DMD: variants seen among roughly 807,000 people sequenced by gnomAD.
DMD encodes the protein dystrophin.
Under a neutral mutation model 330.1 loss-of-function variants are expected in DMD, and 63 were observed. The ratio of observed to expected loss-of-function variants is 0.19; its 90% CI spans 0.16 to 0.24. DMD has a LOEUF of 0.24. Ranked by LOEUF, DMD falls within the 10% of genes least tolerant of loss-of-function variation. DMD has a pLI of 1.00. For missense variants in DMD, 3,344 were observed against 2,684.1 expected, an observed-to-expected ratio of 1.25 and a Z score of -5.43; for synonymous variants, 1,223 against 959.8, an observed-to-expected ratio of 1.27 and a Z score of -5.07.
intron 32 of DMD, among the ~76,000 whole-genome samples, chrX:32,388,762 C>T (rs762025416): frequency 3.1e-4 from 34 of 110,382 alleles, no homozygotes; most frequent in African/African-American, 1.1e-3. Flanking sequence ...ACTCTAATGG[C>T]CGATAGTACA....
At chrX:31,810,359 G>A (rs899630120) in intron 50 of DMD, among the ~76,000 whole-genome samples, 8 of 111,693 alleles carry the variant, frequency 7.2e-5, no homozygotes, top group Non-Finnish European at 1.1e-4. Context: ...AAAGAAAAGT[G>A]GGAAGGAGAT....
At chrX:32,858,888 G>A (rs891492284) in intron 2 of DMD, among the ~76,000 whole-genome samples, 1 of 111,030 alleles carries the variant, frequency 9.0e-6, no homozygotes, top group African/African-American at 3.3e-5. Flanking sequence ...AGTAACCCAA[G>A]TTTCAGAAGC....
At chrX:32,042,499 C>G (rs761670667) in intron 44 of DMD, among the ~76,000 whole-genome samples, 1 of 111,133 alleles carries the variant, frequency 9.0e-6, no homozygotes, top group Non-Finnish European at 1.9e-5. Context: ...AAACCACCCT[C>G]AAGATCCAAT....
intron 53 of DMD, among the ~76,000 whole-genome samples, chrX:31,659,639 GAAAAAAAAAAAAAAAAA>G (rs869195395): frequency 2.5e-5 from 1 of 39,982 alleles, no homozygotes; most frequent in Admixed American, 2.6e-4. Flanking sequence ...CTCCATCTCG[GAAAAAAAAAAAAAAAAA>G]AAAAAAAAAA....
intron 41 of DMD, among the ~76,000 whole-genome samples, chrX:32,318,935 C>T (rs758521478): frequency 6.3e-5 from 7 of 110,889 alleles, no homozygotes; most frequent in Non-Finnish European, 1.3e-4. Context: ...TCTGGACAGA[C>T]CTGCTCATTG....
intron 50 of DMD, among the ~76,000 whole-genome samples, chrX:31,819,562 A>G (rs1353723892): frequency 3.5e-5 from 4 of 113,048 alleles, no homozygotes; most frequent in African/African-American, 9.6e-5. Flanking sequence ...GGCAGCAGCC[A>G]GCCCCTGGCC....
At chrX:32,912,799 G>C (rs1311118910) in intron 2 of DMD, among the ~76,000 whole-genome samples, 1 of 111,307 alleles carries the variant, frequency 9.0e-6, no homozygotes, top group Non-Finnish European at 1.9e-5. Context: ...GTGGTAGTGG[G>C]GAAGCGATGG....
chrX:32,644,498 T>C (rs1023680025), intron 10 of DMD, among the ~76,000 whole-genome samples, 185 bp from the exon 11 acceptor site: 4 of 110,555 alleles, frequency 3.6e-5, no homozygotes, highest in Non-Finnish European at 7.6e-5. Flanking sequence ...AAAATTATCT[T>C]AAGTCAAGTT....
At chrX:33,038,848 G>T (rs1420947114) in intron 1 of DMD, among the ~76,000 whole-genome samples, 1 of 110,351 alleles carries the variant, frequency 9.1e-6, no homozygotes, top group East Asian at 2.9e-4. Context: ...ACAAAAATTA[G>T]CCGGGCATGG....
Position 32,117,403 on chromosome X carries a change from T to C in DMD, c.6438+99513A>G, listed in dbSNP as rs944387452. Among the ~76,000 whole-genome samples, 3 of 112,013 alleles carry C rather than the reference T, an allele frequency of 2.7e-5. No homozygotes were observed. The Admixed American group carries it at 2.8e-4, about 11-fold the overall frequency. ...CAAAGGTTATTGTTTATTCTACTAA[T>C]ACGGTTCCACAGAATCCAGGTCCCA... On this transcript the variant is annotated intron_variant, in intron 44 of 78. Coordinates refer to ENST00000357033, the MANE Select transcript of DMD (RefSeq NM_004006.3).
At chrX:32,472,047 T>C in intron 22 of DMD, 117 bp downstream of exon 22, 3 of 926,615 alleles carry the variant, frequency 3.2e-6, no homozygotes, top group South Asian at 2.1e-5. Flanking sequence ...ATTTGCTCAA[T>C]GGGCAAACTA....
At chrX:32,854,653 G>A (rs188591877) in intron 2 of DMD, among the ~76,000 whole-genome samples, 5 of 108,514 alleles carry the variant, frequency 4.6e-5, no homozygotes, top group Non-Finnish European at 9.5e-5. Flanking sequence ...GTGTCATGAA[G>A]ACATGCAAAA....
At chrX:31,413,864 TA>T (rs878936713) in intron 60 of DMD, among the ~76,000 whole-genome samples, 2,775 of 60,500 alleles carry the variant, frequency 0.046, 60 homozygotes, top group African/African-American at 0.14. Flanking sequence ...GTTGGCAAAG[TA>T]AAAAAAAAAA....
chrX:31,235,620 C>T (rs376750961), intron 63 of DMD, among the ~76,000 whole-genome samples: 2 of 112,099 alleles, frequency 1.8e-5, no homozygotes, highest in African/African-American at 6.5e-5. Context: ...AAGGAACTTC[C>T]TTGCTTTTAC....
intron 2 of DMD, among the ~76,000 whole-genome samples, chrX:32,999,816 A>AAAAC (rs1569548100): frequency 9.0e-6 from 1 of 110,522 alleles, no homozygotes; most frequent in Non-Finnish European, 1.9e-5. Context: ...CAAAAAAAAA[A>AAAAC]CCGAAAAAAC....
intron 9 of DMD, among the ~76,000 whole-genome samples, chrX:32,665,658 T>G (rs1385975406): frequency 8.9e-6 from 1 of 111,812 alleles, no homozygotes; most frequent in Admixed American, 9.5e-5. Flanking sequence ...GCAAAAAATA[T>G]ATGTGCTCTC....
At chrX:31,730,873 T>C (rs755874486) in intron 51 of DMD, among the ~76,000 whole-genome samples, 7 of 111,651 alleles carry the variant, frequency 6.3e-5, no homozygotes, top group Non-Finnish European at 9.4e-5. Context: ...ATGAAAGTGG[T>C]AGATAGTAAT....
At chrX:32,562,492 C>T (rs2051137624) in intron 16 of DMD, among the ~76,000 whole-genome samples, 1 of 112,746 alleles carries the variant, frequency 8.9e-6, no homozygotes. Context: ...ATCACGATTT[C>T]CACACCCTGC....
At chrX:31,975,822 T>C (rs904519099) in intron 44 of DMD, among the ~76,000 whole-genome samples, 1 of 112,205 alleles carries the variant, frequency 8.9e-6, no homozygotes, top group Non-Finnish European at 1.9e-5. Context: ...ATACAATATG[T>C]ATGTGTGCAT....
Sources: gnomAD v4.1 joint callset for allele counts (sites outside exome capture counted in the v4.1 genomes callset) on GRCh38, gnomAD v4.1.1 for gene constraint, MANE v1.5 for transcripts, NCBI Gene and HGNC (gene_info 2026-07-23, HGNC 2026-07-21) for gene names.